The following FUCA2 variants were observed in gnomAD, a reference collection of about 807,000 sequenced individuals.
FUCA2 encodes the protein plasma alpha-L-fucosidase.
Under a neutral mutation model 52.6 loss-of-function variants are expected in FUCA2, and 41 were observed. The ratio of observed to expected loss-of-function variants is 0.78; its 90% CI spans 0.61 to 1.01. The LOEUF is 1.01. Among genes scored for constraint, FUCA2 ranks in the 50% least tolerant of loss-of-function variants. FUCA2 has a pLI of 0.00. For missense variants in FUCA2, 507 were observed against 569.5 expected (o/e 0.89, Z 1.12); for synonymous variants, 211 against 217.3 (o/e 0.97, Z 0.26).
Position 143,497,253 on chromosome 6 carries a change from G to T in FUCA2, c.1263+136C>A. 3.1e-6 allele frequency: 2 copies of T among 647,066 alleles called. No homozygotes were observed. Among genetic ancestry groups the T allele is most frequent in the Non-Finnish European group, 5.5e-6 (2 of 362,618 alleles). The allele number at this position is 647,066 out of a possible 1,614,324, so 40.1% of individuals were successfully genotyped here. A position where few individuals can be genotyped will look rare whatever the true frequency, so the allele number is the denominator to read the frequency against. Reference sequence around the variant, plus strand: ...CTGGAATTACAGTGTGAGCCACAATGCTTGGCTGGAGCTCATTTACAATTC... The same window carrying T: ...CTGGAATTACAGTGTGAGCCACAATTCTTGGCTGGAGCTCATTTACAATTC... On this transcript the variant is annotated intron_variant, in intron 6 of 6. Transcript: ENST00000002165. This position sits in a 1 kb window ranked among gnomAD's most constrained non-coding sequence, Gnocchi z 5.3.
intron 5 of FUCA2, among the ~76,000 whole-genome samples, chr6:143,498,682 A>G (rs1314850723): frequency 6.6e-6 from 1 of 152,104 alleles, no homozygotes; most frequent in Non-Finnish European, 1.5e-5. Context: ...AGGCCCTTGT[A>G]AGCATCTATG....
Position 143,502,214 on chromosome 6 carries a change from T to A in FUCA2, c.964-92A>T. On this transcript the variant is annotated intron_variant, in intron 4 of 6. Coordinates refer to ENST00000002165, the MANE Select transcript of FUCA2 (RefSeq NM_032020.5). The surrounding 1 kb of genome is among the most constrained non-coding windows in gnomAD (Gnocchi z 4.1). ...GCATTTATATATTTATACATGTATA[T>A]ATAGTCACTGCCTAGAAGAACAAAC... The A allele has an allele frequency of 7.8e-7, 1 of 1,289,208 alleles. No individual in the cohort carries two copies. The highest frequency in any genetic ancestry group is 1.1e-6 in the Non-Finnish European group (1 of 928,400). 79.9% of individuals were successfully genotyped at this position (1,289,208 alleles called of 1,614,324 possible). A position where few individuals can be genotyped will look rare whatever the true frequency, so the allele number is the denominator to read the frequency against.
rs907426310 is a variant in FUCA2, at chr6:143,507,121, C to T, written c.412+116G>A. Reference sequence around the variant, plus strand: ...CTAAGTCATAAGCAAGTGCCAGTCACCACTTATGGTTGCTCCGAAGAGAAA... The same window carrying T: ...CTAAGTCATAAGCAAGTGCCAGTCATCACTTATGGTTGCTCCGAAGAGAAA... On this transcript the variant is annotated intron_variant, in intron 2 of 6. Coordinates refer to ENST00000002165, the MANE Select transcript of FUCA2 (RefSeq NM_032020.5). The surrounding 1 kb of genome is among the most constrained non-coding windows in gnomAD (Gnocchi z 4.5). 3 of 898,538 alleles carry T rather than the reference C, an allele frequency of 3.3e-6. No individual in the cohort carries two copies. The highest frequency in any genetic ancestry group is 5.0e-6 in the Non-Finnish European group (3 of 603,408). The allele number at this position is 898,538 out of a possible 1,614,324, so 55.7% of individuals were successfully genotyped here. A position where few individuals can be genotyped will look rare whatever the true frequency, so the allele number is the denominator to read the frequency against.
rs1780679442 is a variant in FUCA2, at chr6:143,511,305, A to G, written c.224+106T>C. On this transcript the variant is annotated intron_variant, in intron 1 of 6. Transcript: ENST00000002165. This position sits in a 1 kb window ranked among gnomAD's most constrained non-coding sequence, Gnocchi z 6.3. ...AACGCAGTGGGAGGTGAAACCGACG[A>G]GGGTGCAGGCAGCACCAGGCGGCGA... 9.9e-7 allele frequency: 1 copy of G among 1,008,510 alleles called. No homozygotes were observed. The highest frequency in any genetic ancestry group is 1.4e-6 in the Non-Finnish European group (1 of 708,150). 62.5% of individuals were successfully genotyped at this position (1,008,510 alleles called of 1,614,324 possible). A position where few individuals can be genotyped will look rare whatever the true frequency, so the allele number is the denominator to read the frequency against.
In FUCA2 at chr6:143,504,150, C is replaced by A. The variant is rs780333716; in HGVS notation, c.515G>T (p.Arg172Ile). ...GTACAGTCCAAAACGCAGGTCAGTT[C>A]TGTTCCTAATGGCTACCTCAAGTTC... ...VKELEVAIRN[R>I]TDLRFGLYYS... Residue 172 changes from arginine to isoleucine, a missense_variant, in exon 3 of 7, where the codon AGA becomes ATA. Coordinates refer to ENST00000002165, the MANE Select transcript of FUCA2 (RefSeq NM_032020.5). This position sits in a 1 kb window ranked among gnomAD's most constrained non-coding sequence, Gnocchi z 4.4. 9.3e-6 allele frequency: 15 copies of A among 1,614,176 alleles called. No individual in the cohort carries two copies. The highest frequency in any genetic ancestry group is 1.3e-5 in the Non-Finnish European group (15 of 1,180,020).
At position 143,507,409 on chromosome 6, in the gene FUCA2, CT is replaced by C; in HGVS notation, c.239del (p.Lys80ArgfsTer11). 6.3e-7 allele frequency: 1 copy of C among 1,595,982 alleles called. No individual in the cohort carries two copies. The highest frequency in any genetic ancestry group is 8.5e-7 in the Non-Finnish European group (1 of 1,175,232). On this transcript the variant is annotated frameshift_variant, in exon 2 of 7. Coordinates refer to ENST00000002165, the MANE Select transcript of FUCA2 (RefSeq NM_032020.5). LOFTEE classifies it high-confidence loss of function. The surrounding 1 kb of genome is among the most constrained non-coding windows in gnomAD (Gnocchi z 4.5). ...ATTCCACATACTTCGGTATCTTTTCCTTTTGCCAATACCACCTAAGGGGAGG... is the reference window on the plus strand; with the variant it reads ...ATTCCACATACTTCGGTATCTTTTCCTTTGCCAATACCACCTAAGGGGAGG... The part of the protein sequence containing the change: ...GSEWFWWYWQ[K>X]EKIPKYVEFM...
Position 143,501,599 on chromosome 6 carries a change from A to G in FUCA2, c.1154+333T>C, listed in dbSNP as rs1426093496. Among the ~76,000 whole-genome samples, 4 of 152,214 alleles carry G rather than the reference A, an allele frequency of 2.6e-5. No homozygotes were observed. Among genetic ancestry groups the G allele is most frequent in the Non-Finnish European group, 5.9e-5 (4 of 68,042 alleles). On this transcript the variant is annotated intron_variant, in intron 5 of 6. Coordinates refer to ENST00000002165, the MANE Select transcript of FUCA2 (RefSeq NM_032020.5). This position sits in a 1 kb window ranked among gnomAD's most constrained non-coding sequence, Gnocchi z 6.1. The stretch of plus-strand genomic sequence containing the variant: ...AGTCAGAATTTACCGAACTGGTTAA[A>G]CAGTAATCTCCGTTTTAGACTAACC...
chr6:143,505,351 G>C (rs1376842788), intron 2 of FUCA2: 2 of 118,048 alleles, frequency 1.7e-5, no homozygotes, highest in African/African-American at 6.9e-5. Context: ...TTCTGGCTCT[G>C]TCACCCAGGC....
In FUCA2 at chr6:143,497,621, A is replaced by C; in HGVS notation, c.1155-124T>G. The C allele has an allele frequency of 1.7e-6, 1 of 574,508 alleles. No individual in the cohort carries two copies. Among genetic ancestry groups the C allele is most frequent in the South Asian group, 2.3e-5 (1 of 43,722 alleles). 35.6% of individuals were successfully genotyped at this position (574,508 alleles called of 1,614,324 possible). ...CTTCCACAATGTCACCACTAATAGA[A>C]GGGAAGGAAAAATAGCCTCATGGTG... On this transcript the variant is annotated intron_variant, in intron 5 of 6. Coordinates refer to ENST00000002165, the MANE Select transcript of FUCA2 (RefSeq NM_032020.5). This position sits in a 1 kb window ranked among gnomAD's most constrained non-coding sequence, Gnocchi z 5.3.
intron 1 of FUCA2, among the ~76,000 whole-genome samples, chr6:143,508,215 A>G (rs532191892): frequency 1.3e-5 from 2 of 152,378 alleles, no homozygotes; most frequent in Non-Finnish European, 2.9e-5. Context: ...ATTACTTGCT[A>G]TACGCATTCA....
intron 1 of FUCA2, among the ~76,000 whole-genome samples, chr6:143,508,400 T>C (rs189086009): frequency 6.6e-6 from 1 of 152,200 alleles, no homozygotes; most frequent in Admixed American, 6.5e-5. Flanking sequence ...TGAGTATTTC[T>C]ACAGGATAAG....
At position 143,496,052 on chromosome 6, in the gene FUCA2, A is replaced by G. The variant is rs137856722; in HGVS notation, c.1264-205T>C. Among the ~76,000 whole-genome samples the G allele has an allele frequency of 1.0e-2, 1,516 of 152,212 alleles. 25 individuals carry two copies. Among genetic ancestry groups the G allele is most frequent in the African/African-American group, 0.034 (1,426 of 41,538 alleles). On this transcript the variant is annotated intron_variant, in intron 6 of 6. Coordinates refer to ENST00000002165, the MANE Select transcript of FUCA2 (RefSeq NM_032020.5). Reference sequence around the variant, plus strand: ...TATTCTTGCTTCTATTTTACTCTCAAGAGGGAAATAGAAGTGTGCAGGGGT... The same window carrying G: ...TATTCTTGCTTCTATTTTACTCTCAGGAGGGAAATAGAAGTGTGCAGGGGT...
chr6:143,505,839 A>C (rs1780598525), intron 2 of FUCA2: 1 of 152,198 alleles, frequency 6.6e-6, no homozygotes, highest in Non-Finnish European at 1.5e-5. Flanking sequence ...TGCATTTTCC[A>C]TGAGCAATGA....
At chr6:143,498,170 C>CAAA (rs5880564) in intron 5 of FUCA2, among the ~76,000 whole-genome samples, 1 of 148,334 alleles carries the variant, frequency 6.7e-6, no homozygotes, top group Non-Finnish European at 1.5e-5. Context: ...ATGCTGTGGA[C>CAAA]AAAAAAAAAA....
chr6:143,497,632 A>T lies in FUCA2; in HGVS notation c.1155-135T>A. The T allele has an allele frequency of 1.8e-6, 1 of 564,464 alleles. No individual in the cohort carries two copies. Among genetic ancestry groups the T allele is most frequent in the South Asian group, 2.3e-5 (1 of 43,332 alleles). 35.0% of individuals were successfully genotyped at this position (564,464 alleles called of 1,614,324 possible). On this transcript the variant is annotated intron_variant, in intron 5 of 6. Coordinates refer to ENST00000002165, the MANE Select transcript of FUCA2 (RefSeq NM_032020.5). This position sits in a 1 kb window ranked among gnomAD's most constrained non-coding sequence, Gnocchi z 5.3. Reference sequence around the variant, plus strand: ...TCACCACTAATAGAAGGGAAGGAAAAATAGCCTCATGGTGGTATAAAAAAA... The same window carrying T: ...TCACCACTAATAGAAGGGAAGGAAATATAGCCTCATGGTGGTATAAAAAAA...
Position 143,509,749 on chromosome 6 carries a change from G to T in FUCA2, c.224+1662C>A, listed in dbSNP as rs1013966056. On this transcript the variant is annotated intron_variant, in intron 1 of 6. Transcript: ENST00000002165. This position sits in a 1 kb window ranked among gnomAD's most constrained non-coding sequence, Gnocchi z 5.4. ...AGCTATGTTTTGGCATAAGAATAAA[G>T]AGTCTCTGTTTTAGAAGGTGAATTA... is the stretch of plus-strand genomic sequence containing the variant. 6.6e-6 allele frequency among the ~76,000 whole-genome samples: 1 copy of T among 152,110 alleles called. No individual in the cohort carries two copies.
chr6:143,507,201 C>T lies in FUCA2; in HGVS notation c.412+36G>A. ...AAAGAACAACTTTTCATTTCTTAAC[C>T]ATTGTCAGCAATTTCCATAGGCTGG... On this transcript the variant is annotated intron_variant, in intron 2 of 6. Transcript: ENST00000002165. This position sits in a 1 kb window ranked among gnomAD's most constrained non-coding sequence, Gnocchi z 4.5. 3 of 1,527,180 alleles carry T rather than the reference C, an allele frequency of 2.0e-6. No homozygotes were observed. Among genetic ancestry groups the T allele is most frequent in the African/African-American group, 1.4e-5 (1 of 69,812 alleles). The allele number at this position is 1,527,180 out of a possible 1,614,324, so 94.6% of individuals were successfully genotyped here.
rs1379434658 is a variant in FUCA2, at chr6:143,500,071, T to C, written c.1154+1861A>G. On this transcript the variant is annotated intron_variant, in intron 5 of 6. Transcript: ENST00000002165. This position sits in a 1 kb window ranked among gnomAD's most constrained non-coding sequence, Gnocchi z 6.9. ...GGGTGCGTGTGTGTGTGTGTGTGTT[T>C]CCATAGTTAACAGTTAGCTGTCCAG... is the stretch of plus-strand genomic sequence containing the variant. Among the ~76,000 whole-genome samples the C allele has an allele frequency of 6.6e-6, 1 of 152,024 alleles. No homozygotes were observed. Among genetic ancestry groups the C allele is most frequent in the Non-Finnish European group, 1.5e-5 (1 of 67,992 alleles).
At chr6:143,508,894 T>C (rs170344) in intron 1 of FUCA2, among the ~76,000 whole-genome samples, 20,513 of 152,198 alleles carry the variant, frequency 0.13, 1,538 homozygotes, top group East Asian at 0.31. Flanking sequence ...TTATTATTGA[T>C]TAATTGATTG....
Sources: allele counts gnomAD v4.1 joint callset (sites outside exome capture counted in the v4.1 genomes callset), GRCh38; gene constraint gnomAD v4.1.1; non-coding constraint Gnocchi (gnomAD v3.1); transcripts MANE v1.5; gene names NCBI Gene and HGNC (gene_info 2026-07-23, HGNC 2026-07-21).